ENAM: variants seen among roughly 807,000 people sequenced by gnomAD.
ENAM encodes amelogenesis imperfecta 2, hypocalcification (autosomal dominant).
In ENAM, 21 loss-of-function variants were observed where a neutral mutation model predicts 33.6. The ratio of observed to expected loss-of-function variants is 0.63; its 90% CI spans 0.44 to 0.90. The LOEUF is 0.90. Among genes scored for constraint, ENAM ranks in the 40% least tolerant of loss-of-function variants. ENAM has a pLI of 0.00. For synonymous variants in ENAM, 473 were observed against 468.4 expected (o/e 1.01, Z -0.13); for missense variants, 1,388 against 1,366.9 (o/e 1.02, Z -0.24).
rs1738256691 is a variant in ENAM, at chr4:70,629,524, T to C, written c.24T>C (p.Leu8=). 6.2e-7 allele frequency: 1 copy of C among 1,613,444 alleles called. No individual in the cohort carries two copies. The highest frequency in any genetic ancestry group is 1.3e-5 in the African/African-American group (1 of 74,894). The change falls in exon 2 of 9, where the codon CTT becomes CTC. Residue 8 remains leucine, a synonymous_variant. Transcript: ENST00000396073. ...AAATGTTGGTGCTTCGGTGCAGGCT[T>C]GGAACCTCTTTTCCTAAACTAGATA... MLVLRCR[L]GTSFPKLDNL...
rs759731300 is a variant in ENAM, at chr4:70,642,773, T to C, written c.1347T>C (p.Val449=). 6.2e-7 allele frequency: 1 copy of C among 1,612,650 alleles called. No homozygotes were observed. The highest frequency in any genetic ancestry group is 1.1e-5 in the South Asian group (1 of 90,692). Residue 449 remains valine, a synonymous_variant, in exon 9 of 9, where the codon GTT becomes GTC. Coordinates refer to ENST00000396073, the MANE Select transcript of ENAM (RefSeq NM_031889.3). ...KPLGPKEQII[V]PTKNPTSPWR... Reference sequence around the variant, plus strand: ...TGGGTCCAAAAGAACAAATAATAGTTCCTACAAAGAATCCAACCAGCCCCT... The same window carrying C: ...TGGGTCCAAAAGAACAAATAATAGTCCCTACAAAGAATCCAACCAGCCCCT...
rs886059584 is a variant in ENAM at position 70,644,175 on chromosome 4, A to C, written c.2749A>C (p.Lys917Gln). The stretch of plus-strand genomic sequence containing the variant: ...TCTGTATACAGACGGTAGTCATACC[A>C]AGCAGACAAGAGATATCATCTCCCC... The part of the protein sequence containing the change: ...SPLYTDGSHT[K>Q]QTRDIISPTS... Residue 917 changes from lysine to glutamine, a missense_variant, in exon 9 of 9, where the codon AAG becomes CAG. Lys to Gln is a moderately conservative substitution (Grantham distance 53). Transcript: ENST00000396073. The C allele has an allele frequency of 3.7e-6, 6 of 1,614,118 alleles. No homozygotes were observed. The highest frequency in any genetic ancestry group is 5.1e-6 in the Non-Finnish European group (6 of 1,179,998).
Position 70,644,411 on chromosome 4 carries a change from C to A in ENAM, c.2985C>A (p.Asn995Lys). The A allele has an allele frequency of 6.2e-7, 1 of 1,614,086 alleles. No homozygotes were observed. The highest frequency in any genetic ancestry group is 8.5e-7 in the Non-Finnish European group (1 of 1,179,984). The change falls in exon 9 of 9, where the codon AAC (asparagine) becomes AAA (lysine). Residue 995 changes from asparagine (N) to lysine (K), a missense_variant. Asn to Lys is a moderately conservative substitution (Grantham distance 94). Transcript: ENST00000396073. The stretch of plus-strand genomic sequence containing the variant: ...AAAATGATCTTGGAGGAGATGGGAA[C>A]AACATTCTGGAACAAGTTTTTGAAG... ...CLKNDLGGDG[N>K]NILEQVFEDN...
At position 70,645,335 on chromosome 4, in the gene ENAM, AT is replaced by A. The variant is rs200799040; in HGVS notation, c.*488del. 0.016 allele frequency: 2,706 copies of A among 169,454 alleles called. 85 individuals carry two copies. The highest frequency in any genetic ancestry group is 0.061 in the African/African-American group (2,555 of 41,732). 10.5% of individuals were successfully genotyped at this position (169,454 alleles called of 1,614,324 possible). A position where few individuals can be genotyped will look rare whatever the true frequency, so the allele number is the denominator to read the frequency against. Reference sequence around the variant, plus strand: ...TTCCTACTCAATATTCTCTTCAAGCATTTTTTTTCTTCCACTGCCACTCTCT... The same window carrying A: ...TTCCTACTCAATATTCTCTTCAAGCATTTTTTTCTTCCACTGCCACTCTCT... On this transcript the variant is annotated 3_prime_UTR_variant, in exon 9 of 9. Transcript: ENST00000396073.
Position 70,643,350 on chromosome 4 carries a change from A to G in ENAM, c.1924A>G (p.Thr642Ala), listed in dbSNP as rs773473375. 3.1e-6 allele frequency: 5 copies of G among 1,613,934 alleles called. No homozygotes were observed. In the East Asian group the frequency reaches 8.9e-5, roughly 29 times the overall value. The change falls in exon 9 of 9, where the codon ACC (threonine) becomes GCC (alanine). Residue 642 changes from threonine to alanine, a missense_variant. Physicochemically the swap from Thr to Ala is moderately conservative, Grantham distance 58 (BLOSUM62 0). Transcript: ENST00000396073. Reference protein sequence around the residue: ...QKESPLYPINTPDQKEIVPYN... With the variant: ...QKESPLYPINAPDQKEIVPYN... ...AGAAAGTCCACTCTACCCCATAAAT[A>G]CCCCAGACCAGAAGGAGATAGTCCC...
chr4:70,635,077 C>T (rs1384835992), intron 6 of ENAM, among the ~76,000 whole-genome samples: 4 of 152,180 alleles, frequency 2.6e-5, no homozygotes, highest in Non-Finnish European at 4.4e-5. Flanking sequence ...GAGGGAGCTT[C>T]GAAAATACTG....
chr4:70,640,491 G>A lies in ENAM; in HGVS notation c.589-1524G>A, dbSNP rs187704003. The stretch of plus-strand genomic sequence containing the variant: ...AACCCAGAGAATTCAACGTAGTTGT[G>A]ATTTGCAACTGCATAAAGTGCAAGG... On this transcript the variant is annotated intron_variant, in intron 8 of 8. Coordinates refer to ENST00000396073, the MANE Select transcript of ENAM (RefSeq NM_031889.3). Among the ~76,000 whole-genome samples the A allele has an allele frequency of 1.6e-3, 244 of 152,294 alleles. 1 individual carries two copies. The highest frequency in any genetic ancestry group is 5.7e-3 in the African/African-American group (236 of 41,558).
At chr4:70,637,639 T>C in intron 7 of ENAM, 151 bp from the exon 8 acceptor site, 1 of 719,300 alleles carries the variant, frequency 1.4e-6, no homozygotes, top group African/African-American at 1.7e-5. Flanking sequence ...AGCTGGACTG[T>C]GAGAGCTAAT....
Position 70,629,461 on chromosome 4 carries a change from G to T in ENAM, c.-40G>T, listed in dbSNP as rs1273516826. On this transcript the variant is annotated 5_prime_UTR_variant, in exon 2 of 9. Coordinates refer to ENST00000396073, the MANE Select transcript of ENAM (RefSeq NM_031889.3). ...TTTAGTTTCTTCTCAGGTTAAAGCT[G>T]TATTTTTCTTAAAGGCTTATAAAAA... The T allele has an allele frequency of 6.7e-7, 1 of 1,495,644 alleles. No homozygotes were observed. Among genetic ancestry groups the T allele is most frequent in the Non-Finnish European group, 9.3e-7 (1 of 1,072,088 alleles). 92.6% of individuals were successfully genotyped at this position (1,495,644 alleles called of 1,614,324 possible). A position where few individuals can be genotyped will look rare whatever the true frequency, so the allele number is the denominator to read the frequency against.
At position 70,642,863 on chromosome 4, in the gene ENAM, T is replaced by C; in HGVS notation, c.1437T>C (p.Tyr479=). ...SNYKLPHSEG[Y]MPVPNFNSVD... is the part of the protein sequence containing the mutation. ...ATAAACTGCCTCACTCTGAGGGTTA[T>C]ATGCCAGTCCCAAATTTTAATTCTG... The change falls in exon 9 of 9, where the codon TAT becomes TAC. Residue 479 remains tyrosine, a synonymous_variant. Coordinates refer to ENST00000396073, the MANE Select transcript of ENAM (RefSeq NM_031889.3). 2 of 1,614,092 alleles carry C rather than the reference T, an allele frequency of 1.2e-6. No individual in the cohort carries two copies. Among genetic ancestry groups the C allele is most frequent in the Admixed American group, 1.7e-5 (1 of 60,000 alleles).
In ENAM at chr4:70,644,625, T is replaced by C; in HGVS notation, c.3199T>C (p.Ser1067Pro). The C allele has an allele frequency of 6.2e-7, 1 of 1,613,872 alleles. No individual in the cohort carries two copies. Among genetic ancestry groups the C allele is most frequent in the Non-Finnish European group, 8.5e-7 (1 of 1,179,850 alleles). Residue 1067 changes from serine to proline, a missense_variant, in exon 9 of 9, where the codon TCT (serine) becomes CCT (proline). By Grantham distance (74) the Ser-to-Pro change is moderately conservative. Transcript: ENST00000396073. ...TGGCTCCAAATTAGCAAAGCATCAC[T>C]CTTCCACCACCGGAACTCCATCTAG... The part of the protein sequence containing the change: ...CFGSKLAKHH[S>P]STTGTPSSDG...
At position 70,636,055 on chromosome 4, in the gene ENAM, A is replaced by AG. The variant is rs1738445420; in HGVS notation, c.534+161_534+162insG. Among the ~76,000 whole-genome samples the AG allele has an allele frequency of 2.8e-5, 3 of 108,766 alleles. No individual in the cohort carries two copies. The African/African-American group carries it at 3.1e-4, about 11-fold the overall frequency. 71.4% of individuals were successfully genotyped at this position (108,766 alleles called of 152,430 possible). On this transcript the variant is annotated intron_variant, in intron 7 of 8. Coordinates refer to ENST00000396073, the MANE Select transcript of ENAM (RefSeq NM_031889.3). ...ATCAGTAATCATGCAGAAAAAGAATAATTTTTTGAATTTCATACTCAGACA... is the reference window on the plus strand; with the variant it reads ...ATCAGTAATCATGCAGAAAAAGAATAGATTTTTTGAATTTCATACTCAGACA...
intron 2 of ENAM, among the ~76,000 whole-genome samples, chr4:70,630,628 CA>C (rs1261225685): frequency 6.6e-6 from 1 of 152,124 alleles, no homozygotes; most frequent in Non-Finnish European, 1.5e-5. Context: ...AAACAATCTC[CA>C]AACTTCATAC....
rs952985489 is a variant in ENAM at position 70,646,258 on chromosome 4, C to T, written c.*1403C>T. 3 of 152,080 alleles carry T rather than the reference C, an allele frequency of 2.0e-5. No homozygotes were observed. Among genetic ancestry groups the T allele is most frequent in the African/African-American group, 7.2e-5 (3 of 41,404 alleles). The allele number at this position is 152,080 out of a possible 1,614,324, so 9.4% of individuals were successfully genotyped here. The stretch of plus-strand genomic sequence containing the variant: ...CAGGGATTATTATTCTTATTAATAA[C>T]ATGTTGGCCTATTATCTGGATGTCC... On this transcript the variant is annotated 3_prime_UTR_variant, in exon 9 of 9. Coordinates refer to ENST00000396073, the MANE Select transcript of ENAM (RefSeq NM_031889.3).
In ENAM at chr4:70,643,439, G is replaced by C. The variant is rs1293686568; in HGVS notation, c.2013G>C (p.Trp671Cys). ...AAGTCTTTCCTGGACAAAATAGATG[G>C]GGTGAAGAGTTGAGCTTCAAAGGAG... ...GDEVFPGQNRWGEELSFKGGP... is the reference protein window; with the variant it reads ...GDEVFPGQNRCGEELSFKGGP... The change falls in exon 9 of 9, where the codon TGG (tryptophan) becomes TGC (cysteine). Residue 671 changes from tryptophan (W) to cysteine (C), a missense_variant. By Grantham distance (215) the Trp-to-Cys change is radical (BLOSUM62 -2). Coordinates refer to ENST00000396073, the MANE Select transcript of ENAM (RefSeq NM_031889.3). 2 of 1,613,966 alleles carry C rather than the reference G, an allele frequency of 1.2e-6. No individual in the cohort carries two copies. The highest frequency in any genetic ancestry group is 4.5e-5 in the East Asian group (2 of 44,898).
At position 70,642,503 on chromosome 4, in the gene ENAM, T is replaced by A; in HGVS notation, c.1077T>A (p.Pro359=). The change falls in exon 9 of 9, where the codon CCT becomes CCA. Residue 359 remains proline (P), a synonymous_variant. Coordinates refer to ENST00000396073, the MANE Select transcript of ENAM (RefSeq NM_031889.3). The part of the protein sequence containing the change: ...FYRNQQVQRG[P]RWNFFAWERK... Reference sequence around the variant, plus strand: ...GAAATCAACAAGTTCAAAGGGGTCCTCGGTGGAACTTCTTTGCTTGGGAAC... The same window carrying A: ...GAAATCAACAAGTTCAAAGGGGTCCACGGTGGAACTTCTTTGCTTGGGAAC... 1 of 1,614,152 alleles carries A rather than the reference T, an allele frequency of 6.2e-7. No homozygotes were observed. The highest frequency in any genetic ancestry group is 8.5e-7 in the Non-Finnish European group (1 of 1,180,024).
Position 70,643,177 on chromosome 4 carries a change from A to G in ENAM, c.1751A>G (p.Glu584Gly), listed in dbSNP as rs1738647821. 1 of 1,613,854 alleles carries G rather than the reference A, an allele frequency of 6.2e-7. No individual in the cohort carries two copies. The highest frequency in any genetic ancestry group is 1.7e-5 in the Admixed American group (1 of 59,994). Residue 584 changes from glutamate (E) to glycine (G), a missense_variant, in exon 9 of 9, where the codon GAA becomes GGA. By Grantham distance (98) the Glu-to-Gly change is moderately conservative. Transcript: ENST00000396073. ...PPFKEDPGRQ[E>G]EHLPHPSHGS... is the part of the protein sequence containing the mutation. ...TTTAAGGAAGATCCAGGGAGGCAAG[A>G]AGAACATTTACCCCATCCTTCCCAT... is the stretch of plus-strand genomic sequence containing the variant.
chr4:70,644,324 A>G lies in ENAM; in HGVS notation c.2898A>G (p.Gln966=), dbSNP rs764828554. The change falls in exon 9 of 9, where the codon CAA becomes CAG. Residue 966 remains glutamine, a synonymous_variant. Coordinates refer to ENST00000396073, the MANE Select transcript of ENAM (RefSeq NM_031889.3). ...GTTCTATAAAGAATCAACTGGGCCA[A>G]AAGGAAATTATGCCCTTTCCTGAAG... ...TPCSIKNQLG[Q]KEIMPFPEAS... is the part of the protein sequence containing the mutation. 1 of 1,614,230 alleles carries G rather than the reference A, an allele frequency of 6.2e-7. No homozygotes were observed. The highest frequency in any genetic ancestry group is 1.1e-5 in the South Asian group (1 of 91,090).
chr4:70,637,949 T>C, intron 8 of ENAM, 106 bp downstream of exon 8: 1 of 860,532 alleles, frequency 1.2e-6, no homozygotes, highest in Non-Finnish European at 2.0e-6. Flanking sequence ...CATGAACCTG[T>C]AGCTCAAGCT....
Sources: allele counts gnomAD v4.1 joint callset (sites outside exome capture counted in the v4.1 genomes callset), GRCh38; gene constraint gnomAD v4.1.1; transcripts MANE v1.5; gene names NCBI Gene and HGNC (gene_info 2026-07-23, HGNC 2026-07-21).